Variants in EVI2B observed in about 807,000 individuals in gnomAD.
EVI2B encodes the protein ecotropic viral integration site 2B, also known as protein EVI2B.
In EVI2B, 4 loss-of-function variants were observed where a neutral mutation model predicts 6.6. The ratio of observed to expected loss-of-function variants is 0.61; its 90% CI spans 0.30 to 1.39. EVI2B has a LOEUF of 1.39. Among genes scored for constraint, EVI2B ranks in the 40% most tolerant of loss-of-function variants. The probability of loss-of-function intolerance (pLI) is 0.08; values close to 1 mark genes in which losing one functional copy is unlikely to be tolerated. For missense variants in EVI2B, 484 were observed against 516.6 expected, an observed-to-expected ratio of 0.94 and a Z score of 0.61; for synonymous variants, 181 against 186.8, an observed-to-expected ratio of 0.97 and a Z score of 0.25.
In EVI2B at chr17:31,303,923, C is replaced by A. The variant is rs894808675; in HGVS notation, c.*340G>T. The A allele has an allele frequency of 1.8e-5, 3 of 169,184 alleles. No individual in the cohort carries two copies. In the East Asian group the frequency reaches 4.9e-4, roughly 28 times the overall value. 10.5% of individuals were successfully genotyped at this position (169,184 alleles called of 1,614,324 possible). A position where few individuals can be genotyped will look rare whatever the true frequency, so the allele number is the denominator to read the frequency against. ...AAATGGAAACATAAAAGTTTATTCACCATAATTTTATACACAGCTTTTCAG... is the reference window on the plus strand; with the variant it reads ...AAATGGAAACATAAAAGTTTATTCAACATAATTTTATACACAGCTTTTCAG... On this transcript the variant is annotated 3_prime_UTR_variant, in exon 2 of 2. Coordinates refer to ENST00000330927, the MANE Select transcript of EVI2B (RefSeq NM_006495.4).
chr17:31,309,131 T>A (rs2068805021), intron 1 of EVI2B, among the ~76,000 whole-genome samples: 1 of 152,230 alleles, frequency 6.6e-6, no homozygotes, highest in Non-Finnish European at 1.5e-5. Flanking sequence ...CCACTCGAAG[T>A]GACAGATTGG....
intron 1 of EVI2B, among the ~76,000 whole-genome samples, chr17:31,313,349 T>C (rs1334721649): frequency 6.6e-6 from 1 of 152,238 alleles, no homozygotes; most frequent in African/African-American, 2.4e-5. Context: ...GTTCTATTTC[T>C]AACCCTTAGC....
chr17:31,311,733 A>G (rs1425954882), intron 1 of EVI2B, among the ~76,000 whole-genome samples: 2 of 152,242 alleles, frequency 1.3e-5, no homozygotes, highest in Admixed American at 1.3e-4. Flanking sequence ...GTAACTTGGC[A>G]GTATCACAGC....
chr17:31,305,247 C>T lies in EVI2B; in HGVS notation c.363G>A (p.Val121=). ...PIANTSSQQA[V]FTSARQLPSA... is the part of the protein sequence containing the mutation. ...ATGGTAGTTGTCTGGCAGAGGTGAA[C>T]ACGGCTTGCTGGGAGGAGGTGTTGG... is the stretch of plus-strand genomic sequence containing the variant. Residue 121 remains valine, a synonymous_variant, in exon 2 of 2, where the codon GTG becomes GTA. Transcript: ENST00000330927. 1 of 1,614,090 alleles carries T rather than the reference C, an allele frequency of 6.2e-7. No homozygotes were observed. The highest frequency in any genetic ancestry group is 8.5e-7 in the Non-Finnish European group (1 of 1,180,018).
intron 1 of EVI2B, among the ~76,000 whole-genome samples, chr17:31,311,798 C>T (rs2068883784): frequency 6.6e-6 from 1 of 152,146 alleles, no homozygotes; most frequent in Non-Finnish European, 1.5e-5. Context: ...AGAACCGTTT[C>T]TTTCTATCAC....
chr17:31,307,395 G>C (rs1001337943), intron 1 of EVI2B, among the ~76,000 whole-genome samples: 3 of 152,182 alleles, frequency 2.0e-5, no homozygotes, highest in Admixed American at 2.0e-4. Flanking sequence ...GCCTGGAAAG[G>C]CTTCAGTGAA....
chr17:31,313,827 G>T (rs1260765894), intron 1 of EVI2B, among the ~76,000 whole-genome samples, 152 bp downstream of exon 1: 1 of 151,734 alleles, frequency 6.6e-6, no homozygotes, highest in South Asian at 2.1e-4. Context: ...AAGCTGAACT[G>T]AGTATTTTTT....
chr17:31,305,747 G>T, intron 1 of EVI2B, 117 bp from the exon 2 acceptor site: 1 of 835,632 alleles, frequency 1.2e-6, no homozygotes, highest in Non-Finnish European at 1.8e-6. Context: ...TTCCTAATTA[G>T]TAGTAGTTGA....
chr17:31,309,514 C>CG (rs1013657879), intron 1 of EVI2B, among the ~76,000 whole-genome samples: 53 of 152,136 alleles, frequency 3.5e-4, no homozygotes, highest in African/African-American at 1.2e-3. Flanking sequence ...CAAAAAAAGG[C>CG]GGGGGGACTT....
At chr17:31,312,955 C>G (rs1444659056) in intron 1 of EVI2B, among the ~76,000 whole-genome samples, 2 of 152,026 alleles carry the variant, frequency 1.3e-5, no homozygotes, top group Non-Finnish European at 1.5e-5. Context: ...CTATCTTATA[C>G]TATGTTCTAA....
At chr17:31,307,004 A>G (rs2068741069) in intron 1 of EVI2B, among the ~76,000 whole-genome samples, 1 of 152,024 alleles carries the variant, frequency 6.6e-6, no homozygotes, top group South Asian at 2.1e-4. Flanking sequence ...GAAGAAAGAA[A>G]AAAAGCTAAA....
chr17:31,306,805 A>C (rs990112261), intron 1 of EVI2B, among the ~76,000 whole-genome samples: 1 of 151,892 alleles, frequency 6.6e-6, no homozygotes, highest in Non-Finnish European at 1.5e-5. Flanking sequence ...ATTAAAAAAA[A>C]AAAAAAAAGA....
At chr17:31,311,949 T>C (rs185408610) in intron 1 of EVI2B, among the ~76,000 whole-genome samples, 99 of 152,268 alleles carry the variant, frequency 6.5e-4, no homozygotes, top group African/African-American at 2.2e-3. Context: ...AGGAAAGAAA[T>C]ACCTGAAAAC....
chr17:31,313,757 TGA>T (rs1233260898), intron 1 of EVI2B, among the ~76,000 whole-genome samples: 3 of 135,560 alleles, frequency 2.2e-5, no homozygotes, highest in Non-Finnish European at 4.8e-5. Flanking sequence ...TGTGTGTGTG[TGA>T]GATTAAATAA....
At chr17:31,311,232 C>T (rs1175102673) in intron 1 of EVI2B, among the ~76,000 whole-genome samples, 1 of 152,064 alleles carries the variant, frequency 6.6e-6, no homozygotes, top group African/African-American at 2.4e-5. Context: ...GAATTATAGG[C>T]ATGAGCCACC....
At position 31,305,644 on chromosome 17, in the gene EVI2B, A is replaced by G. The variant is rs2068699500; in HGVS notation, c.-21-14T>C. Reference sequence around the variant, plus strand: ...TTTCCTCGTTATCTATAGCGGGTTTATAATGAAAGAGAAAGACAGTTAGGC... The same window carrying G: ...TTTCCTCGTTATCTATAGCGGGTTTGTAATGAAAGAGAAAGACAGTTAGGC... On this transcript the variant is annotated splice_polypyrimidine_tract_variant and intron_variant, in intron 1 of 1. Coordinates refer to ENST00000330927, the MANE Select transcript of EVI2B (RefSeq NM_006495.4). The G allele has an allele frequency of 1.9e-6, 3 of 1,573,900 alleles. No homozygotes were observed. The highest frequency in any genetic ancestry group is 2.6e-6 in the Non-Finnish European group (3 of 1,161,604).
At position 31,305,461 on chromosome 17, in the gene EVI2B, T is replaced by A. The variant is rs767214948; in HGVS notation, c.149A>T (p.Asn50Ile). 1 of 1,614,198 alleles carries A rather than the reference T, an allele frequency of 6.2e-7. No individual in the cohort carries two copies. The highest frequency in any genetic ancestry group is 1.3e-5 in the African/African-American group (1 of 75,048). ...TTGACCCAAAGGATTCCCTGTTGTG[T>A]TTTGAGAATTAGCCAATACCTGTGA... ...SMSQVLANSQNTTGNPLGQPT... is the reference protein window; with the variant it reads ...SMSQVLANSQITTGNPLGQPT... Residue 50 changes from asparagine to isoleucine, a missense_variant, in exon 2 of 2, where the codon AAC becomes ATC. Coordinates refer to ENST00000330927, the MANE Select transcript of EVI2B (RefSeq NM_006495.4).
chr17:31,307,130 C>G (rs1374963363), intron 1 of EVI2B, among the ~76,000 whole-genome samples: 2 of 151,942 alleles, frequency 1.3e-5, no homozygotes, highest in African/African-American at 2.4e-5. Context: ...TCAACTGATT[C>G]TCCTCTCTCA....
At chr17:31,308,673 C>T (rs2068794213) in intron 1 of EVI2B, among the ~76,000 whole-genome samples, 1 of 152,052 alleles carries the variant, frequency 6.6e-6, no homozygotes, top group African/African-American at 2.4e-5. Context: ...AGCCTCTTCC[C>T]CTTTCTGGCT....
Sources: allele counts gnomAD v4.1 joint callset (sites outside exome capture counted in the v4.1 genomes callset), GRCh38; gene constraint gnomAD v4.1.1; transcripts MANE v1.5; gene names NCBI Gene and HGNC (gene_info 2026-07-23, HGNC 2026-07-21).